TIAM2: variants seen among roughly 807,000 people sequenced by gnomAD.
The protein encoded by TIAM2 is TIAM Rac1 associated GEF 2.
Under a neutral mutation model 152.9 loss-of-function variants are expected in TIAM2, and 80 were observed. That is an observed-to-expected ratio of 0.52 (90% CI 0.44 to 0.63). TIAM2 has a LOEUF of 0.63. TIAM2 is among the 30% of genes least tolerant of loss of function. The probability of loss-of-function intolerance (pLI) is 0.00; values close to 1 mark genes in which losing one functional copy is unlikely to be tolerated. For synonymous variants in TIAM2, 804 were observed against 838.0 expected, an observed-to-expected ratio of 0.96 and a Z score of 0.70; for missense variants, 1,965 against 2,120.1, an observed-to-expected ratio of 0.93 and a Z score of 1.44.
intron 1 of TIAM2, among the ~76,000 whole-genome samples, chr6:155,047,724 A>AGAGAGC (rs1777226609): frequency 5.2e-5 from 3 of 57,888 alleles, no homozygotes; most frequent in African/African-American, 1.7e-4. Context: ...AGAGAGAGAG[A>AGAGAGC]GCGAGAGAGA....
Position 155,129,203 on chromosome 6 carries a change from C to T in TIAM2, c.-6-15C>T. On this transcript the variant is annotated splice_polypyrimidine_tract_variant and intron_variant, in intron 3 of 26. Coordinates refer to ENST00000682666, the MANE Select transcript of TIAM2 (RefSeq NM_012454.4). This position sits in a 1 kb window ranked among gnomAD's most constrained non-coding sequence, Gnocchi z 4.8. Reference sequence around the variant, plus strand: ...TTAGGCCACGGTCTTACTGATGCAACTGTTCTTAATTTAGGTTAAAATGGG... The same window carrying T: ...TTAGGCCACGGTCTTACTGATGCAATTGTTCTTAATTTAGGTTAAAATGGG... 6.2e-7 allele frequency: 1 copy of T among 1,604,024 alleles called. No individual in the cohort carries two copies. The highest frequency in any genetic ancestry group is 8.5e-7 in the Non-Finnish European group (1 of 1,172,010).
At chr6:155,066,959 A>G (rs1777706087) in intron 1 of TIAM2, among the ~76,000 whole-genome samples, 1 of 152,106 alleles carries the variant, frequency 6.6e-6, no homozygotes, top group Non-Finnish European at 1.5e-5. Flanking sequence ...GTTTTGCTAT[A>G]TTAGCCAGAC....
At chr6:155,112,125 CTTTTTTTTT>C (rs34148436) in intron 2 of TIAM2, among the ~76,000 whole-genome samples, 1 of 131,406 alleles carries the variant, frequency 7.6e-6, no homozygotes, top group African/African-American at 2.8e-5. Context: ...TTGGTTTCCT[CTTTTTTTTT>C]TTTTTTTTTG....
intron 15 of TIAM2, among the ~76,000 whole-genome samples, chr6:155,223,807 T>C (rs1357877869): frequency 6.6e-6 from 1 of 152,186 alleles, no homozygotes; most frequent in Admixed American, 6.5e-5. Flanking sequence ...GTGGCTCCTG[T>C]GTTCCCCGGC....
chr6:155,153,784 G>A (rs1251152287), intron 7 of TIAM2, among the ~76,000 whole-genome samples: 1 of 151,996 alleles, frequency 6.6e-6, no homozygotes, highest in Admixed American at 6.6e-5. Context: ...ACTACGCCCA[G>A]CTAATTTTTG....
At chr6:155,248,579 C>T (rs1027254352) in intron 20 of TIAM2, among the ~76,000 whole-genome samples, 1 of 152,194 alleles carries the variant, frequency 6.6e-6, no homozygotes, top group Non-Finnish European at 1.5e-5. Flanking sequence ...AGCTGCTGGT[C>T]AGATTTGTTG....
chr6:155,252,882 T>C, intron 23 of TIAM2, 66 bp from the exon 24 acceptor site: 1 of 1,423,016 alleles, frequency 7.0e-7, no homozygotes, highest in Non-Finnish European at 9.9e-7. Flanking sequence ...TTCTATTCAC[T>C]GTGCACACAT....
chr6:155,238,072 C>A (rs1052177384), intron 15 of TIAM2, among the ~76,000 whole-genome samples: 3 of 152,236 alleles, frequency 2.0e-5, no homozygotes, highest in East Asian at 3.8e-4. Flanking sequence ...AATGCCTTTA[C>A]CAGCACTCAA....
intron 1 of TIAM2, among the ~76,000 whole-genome samples, chr6:155,003,812 C>G (rs536421832): frequency 6.6e-6 from 1 of 152,298 alleles, no homozygotes; most frequent in South Asian, 2.1e-4. Flanking sequence ...GAAACCCTGT[C>G]TATACTAAAA....
At chr6:155,043,285 G>A (rs953591441) in intron 1 of TIAM2, among the ~76,000 whole-genome samples, 3 of 151,902 alleles carry the variant, frequency 2.0e-5, no homozygotes, top group African/African-American at 7.3e-5. Context: ...AGAATCGTCT[G>A]TGGAGTTGAA....
intron 1 of TIAM2, among the ~76,000 whole-genome samples, chr6:154,999,043 T>C (rs187050744): frequency 6.6e-6 from 1 of 152,278 alleles, no homozygotes; most frequent in African/African-American, 2.4e-5. Flanking sequence ...AACTTCCTTA[T>C]TTAAAGTAAT....
chr6:155,015,405 G>T (rs968214266), intron 1 of TIAM2, among the ~76,000 whole-genome samples: 4 of 152,132 alleles, frequency 2.6e-5, no homozygotes, highest in African/African-American at 9.7e-5. Context: ...ACAGGTCTGG[G>T]CTGGGTATGT....
chr6:155,023,645 G>T (rs916967771), intron 1 of TIAM2, among the ~76,000 whole-genome samples: 3 of 152,152 alleles, frequency 2.0e-5, no homozygotes, highest in Admixed American at 2.0e-4. Flanking sequence ...TTATCCTCTG[G>T]AGGTCTTCTC....
chr6:155,175,221 A>G (rs1319098649), intron 9 of TIAM2, among the ~76,000 whole-genome samples: 3 of 152,232 alleles, frequency 2.0e-5, no homozygotes, highest in African/African-American at 4.8e-5. Flanking sequence ...TCCAAGACAA[A>G]TCCAGAAATG....
At chr6:154,998,081 TCTC>T (rs1346634468) in intron 1 of TIAM2, among the ~76,000 whole-genome samples, 1 of 152,158 alleles carries the variant, frequency 6.6e-6, no homozygotes, top group African/African-American at 2.4e-5. Context: ...ACAGATGTCT[TCTC>T]CTTGATTACA....
chr6:155,255,929 G>A (rs976603751), intron 26 of TIAM2: 3 of 163,162 alleles, frequency 1.8e-5, no homozygotes, highest in Non-Finnish European at 2.7e-5. Flanking sequence ...AGGATCACTT[G>A]AGCCCAGGAG....
Position 155,183,353 on chromosome 6 carries a change from C to A in TIAM2, c.2917C>A (p.Arg973=), listed in dbSNP as rs139039219. The part of the protein sequence containing the change: ...EKSVGLTLIA[R]PPDTKATLCT... The stretch of plus-strand genomic sequence containing the variant: ...GAGCGTCGGACTCACTCTGATTGCC[C>A]GGCCTCCGGACACAAAAGCAACCCT... The change falls in exon 14 of 27, where the codon CGG becomes AGG. Residue 973 remains arginine, a synonymous_variant. Transcript: ENST00000682666. The A allele has an allele frequency of 1.9e-6, 3 of 1,613,198 alleles. No individual in the cohort carries two copies. The highest frequency in any genetic ancestry group is 2.2e-5 in the East Asian group (1 of 44,804).
At position 155,211,314 on chromosome 6, in the gene TIAM2, T is replaced by C. The variant is rs1781711021; in HGVS notation, c.3168+7T>C. ...AATGGAGCAGACATTCAGGGTAAGA[T>C]ACTGGCCCAAATCGCAAACCAAGAA... On this transcript the variant is annotated splice_region_variant and intron_variant, in intron 15 of 26. Transcript: ENST00000682666. The C allele has an allele frequency of 6.2e-7, 1 of 1,611,952 alleles. No individual in the cohort carries two copies. The highest frequency in any genetic ancestry group is 1.1e-5 in the South Asian group (1 of 90,948).
At chr6:155,202,504 T>C (rs994166679) in intron 14 of TIAM2, among the ~76,000 whole-genome samples, 1 of 152,084 alleles carries the variant, frequency 6.6e-6, no homozygotes, top group East Asian at 1.9e-4. Flanking sequence ...CTGCAGCCTC[T>C]ACCTCCTGGG....
Sources: allele counts gnomAD v4.1 joint callset (sites outside exome capture counted in the v4.1 genomes callset), GRCh38; gene constraint gnomAD v4.1.1; non-coding constraint Gnocchi (gnomAD v3.1); transcripts MANE v1.5; gene names NCBI Gene and HGNC (gene_info 2026-07-23, HGNC 2026-07-21).